Variants in SNX29 observed in about 807,000 individuals in gnomAD.
SNX29 encodes sorting nexin-29.
SNX29 carries 78 observed loss-of-function variants against 102.1 expected under a neutral mutation model. That is an observed-to-expected ratio of 0.76 (90% CI 0.64 to 0.92). The LOEUF is 0.92. Among genes scored for constraint, SNX29 ranks in the 40% least tolerant of loss-of-function variants. The probability of loss-of-function intolerance (pLI) is 0.00; values close to 1 mark genes in which losing one functional copy is unlikely to be tolerated. For missense variants in SNX29, 1,280 were observed against 1,061.7 expected (o/e 1.21, Z -2.86); for synonymous variants, 580 against 414.5 (o/e 1.40, Z -4.85).
chr16:12,388,555 A>G (rs1317029579), intron 16 of SNX29, among the ~76,000 whole-genome samples: 1 of 152,212 alleles, frequency 6.6e-6, no homozygotes, highest in African/African-American at 2.4e-5. Context: ...TTTTCCGTAA[A>G]TGCCCACATA....
intron 20 of SNX29, chr16:12,557,754 A>T (rs947509031): frequency 6.6e-6 from 1 of 152,232 alleles, no homozygotes; most frequent in African/African-American, 2.4e-5. Flanking sequence ...TTGTGATGTC[A>T]CTAAGCAACA....
chr16:12,034,784 G>C (rs1462901555), intron 4 of SNX29, among the ~76,000 whole-genome samples: 1 of 152,186 alleles, frequency 6.6e-6, no homozygotes, highest in Non-Finnish European at 1.5e-5. Context: ...GCCGAGGTGG[G>C]TGGATCACTT....
At chr16:12,213,623 A>G (rs1184880072) in intron 14 of SNX29, among the ~76,000 whole-genome samples, 1 of 152,246 alleles carries the variant, frequency 6.6e-6, no homozygotes, top group Non-Finnish European at 1.5e-5. Context: ...GTGGAAGGTC[A>G]CAGCACATTA....
intron 18 of SNX29, among the ~76,000 whole-genome samples, chr16:12,411,969 A>T (rs899534702): frequency 6.6e-6 from 1 of 152,210 alleles, no homozygotes; most frequent in Non-Finnish European, 1.5e-5. Flanking sequence ...CCCGTGTTCA[A>T]AAAAACTGTA....
At chr16:12,060,576 G>T (rs528253810) in intron 8 of SNX29, among the ~76,000 whole-genome samples, 1 of 152,322 alleles carries the variant, frequency 6.6e-6, no homozygotes, top group Non-Finnish European at 1.5e-5. Flanking sequence ...GTACTCCAGT[G>T]TGGACAACAG....
intron 15 of SNX29, among the ~76,000 whole-genome samples, chr16:12,306,779 A>G (rs567282801): frequency 7.2e-5 from 11 of 152,378 alleles, no homozygotes; most frequent in Admixed American, 6.5e-4. Context: ...ATCCGATAGC[A>G]AAGGACAACC....
chr16:12,524,114 A>G (rs926978654), intron 19 of SNX29, among the ~76,000 whole-genome samples: 1 of 152,164 alleles, frequency 6.6e-6, no homozygotes, highest in African/African-American at 2.4e-5. Flanking sequence ...TCAAACTCCC[A>G]GCCTCAGGTG....
In SNX29 at chr16:12,135,601, G is replaced by C. The variant is rs1373780677; in HGVS notation, c.1595+5843G>C. 4.5e-6 allele frequency: 6 copies of C among 1,343,648 alleles called. No homozygotes were observed. The South Asian group carries it at 4.9e-5, about 11-fold the overall frequency. 83.2% of individuals were successfully genotyped at this position (1,343,648 alleles called of 1,614,324 possible). A position where few individuals can be genotyped will look rare whatever the true frequency, so the allele number is the denominator to read the frequency against. On this transcript the variant is annotated intron_variant, in intron 13 of 20. Coordinates refer to ENST00000566228, the MANE Select transcript of SNX29 (RefSeq NM_032167.5). ...TTCTAACCCCACGTGAGAACCATGT[G>C]GTGGAGAAATGGAGGGAGAGAGAAA... is the stretch of plus-strand genomic sequence containing the variant.
At position 12,280,746 on chromosome 16, in the gene SNX29, C is replaced by T. The variant is rs1366138336; in HGVS notation, c.1782+2710C>T. ...CAATACTTTTGCTGTTAATCGAGAC[C>T]CTCAGAACGTTCTTTGTGATGCTTC... On this transcript the variant is annotated intron_variant, in intron 15 of 20. Coordinates refer to ENST00000566228, the MANE Select transcript of SNX29 (RefSeq NM_032167.5). Among the ~76,000 whole-genome samples, 4 of 152,100 alleles carry T rather than the reference C, an allele frequency of 2.6e-5. No homozygotes were observed. In the East Asian group the frequency reaches 7.7e-4, roughly 29 times the overall value.
chr16:12,268,436 G>A (rs1007958326), intron 14 of SNX29, among the ~76,000 whole-genome samples: 2 of 152,156 alleles, frequency 1.3e-5, no homozygotes, highest in Non-Finnish European at 1.5e-5. Flanking sequence ...GCAGAGCTCC[G>A]GGGTCTTGTT....
intron 12 of SNX29, among the ~76,000 whole-genome samples, chr16:12,127,215 C>CGT (rs2054251921): frequency 6.7e-6 from 1 of 150,032 alleles, no homozygotes; most frequent in South Asian, 2.1e-4. Context: ...GCCGAGATTA[C>CGT]GCCATTGCAC....
At chr16:12,337,544 A>G (rs2081488712) in intron 15 of SNX29, among the ~76,000 whole-genome samples, 1 of 151,872 alleles carries the variant, frequency 6.6e-6, no homozygotes, top group Non-Finnish European at 1.5e-5. Flanking sequence ...GTTTTGCCAT[A>G]TTGTCCAGGC....
chr16:12,558,221 C>T (rs370504328), intron 20 of SNX29, among the ~76,000 whole-genome samples: 1 of 43,162 alleles, frequency 2.3e-5, no homozygotes, highest in African/African-American at 1.1e-4. Flanking sequence ...CATCACAGAG[C>T]CTCTCTTCAG....
At chr16:12,153,161 G>A (rs1174286698) in intron 13 of SNX29, among the ~76,000 whole-genome samples, 1 of 152,188 alleles carries the variant, frequency 6.6e-6, no homozygotes, top group African/African-American at 2.4e-5. Flanking sequence ...GCTTTGGGAG[G>A]CCAAGGCAGG....
At chr16:12,183,035 A>G (rs376076966) in intron 13 of SNX29, among the ~76,000 whole-genome samples, 46 of 151,516 alleles carry the variant, frequency 3.0e-4, no homozygotes, top group African/African-American at 9.9e-4. Flanking sequence ...ACAGGGTCTC[A>G]CTTTGTCACC....
intron 16 of SNX29, chr16:12,375,035 A>G (rs1022398602): frequency 6.6e-6 from 1 of 152,118 alleles, no homozygotes; most frequent in Non-Finnish European, 1.5e-5. Context: ...TGGGCAACAT[A>G]GTGAGACCCT....
intron 14 of SNX29, among the ~76,000 whole-genome samples, chr16:12,241,011 T>C (rs1174107192): frequency 2.0e-5 from 3 of 152,234 alleles, no homozygotes; most frequent in Non-Finnish European, 4.4e-5. Context: ...GGTGACTTTT[T>C]TTGTGTGGAA....
chr16:12,120,221 G>C (rs1237235192), intron 11 of SNX29, among the ~76,000 whole-genome samples: 1 of 152,176 alleles, frequency 6.6e-6, no homozygotes, highest in Non-Finnish European at 1.5e-5. Context: ...GAAAAATGAT[G>C]ATGTAGGTTA....
At chr16:12,223,522 C>T (rs777175193) in intron 14 of SNX29, among the ~76,000 whole-genome samples, 2 of 152,184 alleles carry the variant, frequency 1.3e-5, no homozygotes, top group African/African-American at 2.4e-5. Context: ...ATTAGCAGGG[C>T]GTGGGGGCAT....
Sources: allele counts gnomAD v4.1 joint callset (sites outside exome capture counted in the v4.1 genomes callset), GRCh38; gene constraint gnomAD v4.1.1; transcripts MANE v1.5; gene names NCBI Gene and HGNC (gene_info 2026-07-23, HGNC 2026-07-21).